The following ZNF273 variants were observed in gnomAD, a reference collection of about 807,000 sequenced individuals.
The protein encoded by ZNF273 is zinc finger protein 273.
ZNF273 carries 11 observed loss-of-function variants against 14.9 expected under a neutral mutation model. That is an observed-to-expected ratio of 0.74 (90% confidence interval 0.46 to 1.22). The LOEUF (loss-of-function observed/expected upper bound fraction) is 1.22, where lower values mean the gene tolerates loss of function less well. Ranked by LOEUF, ZNF273 falls within the 50% of genes most tolerant of loss-of-function variation. The pLI is 0.00. For synonymous variants in ZNF273, 199 were observed against 223.9 expected, an observed-to-expected ratio of 0.89 and a Z score of 0.99; for missense variants, 577 against 660.6, an observed-to-expected ratio of 0.87 and a Z score of 1.39.
chr7:64,921,976 C>T (rs1300430437), intron 3 of ZNF273, among the ~76,000 whole-genome samples: 1 of 152,060 alleles, frequency 6.6e-6, no homozygotes, highest in Non-Finnish European at 1.5e-5. Flanking sequence ...GACCACCTCA[C>T]CCAATTGCGG....
At chr7:64,932,008 T>C, downstream of ZNF273, among the ~76,000 whole-genome samples, 1 of 152,202 alleles carries the variant, frequency 6.6e-6, no homozygotes. Context: ...TTCTGTGTTA[T>C]GGCTACAGTT....
At chr7:64,935,934 CT>C, downstream of ZNF273, among the ~76,000 whole-genome samples, 1 of 152,246 alleles carries the variant, frequency 6.6e-6, no homozygotes, top group African/African-American at 2.4e-5. Flanking sequence ...AATTGCCATG[CT>C]TTTTGAAATG....
exon 4 of ZNF273, chr7:64,897,954 C>G (rs1297456333): frequency 2.6e-5 from 4 of 151,742 alleles, no homozygotes; most frequent in African/African-American, 9.7e-5. Flanking sequence ...GTCTCGATCT[C>G]CTGACCTCGT....
Position 64,928,097 on chromosome 7 carries a change from C to A in ZNF273, c.769C>A (p.Pro257Thr). ...TCTTACTAAACATAAGATAATTCAT[C>A]CTGAAGTGAATCCCTACAAATGTGA... ...SNLTKHKIIH[P>T]EVNPYKCEEC... is the part of the protein sequence containing the mutation. The change falls in exon 4 of 4, where the codon CCT becomes ACT. Residue 257 changes from proline to threonine, a missense_variant. This residue lies in a region of ZNF273 where 411 missense variants were observed against 440.4 expected (regional missense o/e 0.93). Coordinates refer to ENST00000476120, the MANE Select transcript of ZNF273 (RefSeq NM_021148.3). 1 of 1,613,366 alleles carries A rather than the reference C, an allele frequency of 6.2e-7. No homozygotes were observed. Among genetic ancestry groups the A allele is most frequent in the Non-Finnish European group, 8.5e-7 (1 of 1,179,540 alleles).
Position 64,915,632 on chromosome 7 carries a change from G to A in ZNF273, c.103-1949G>A, listed in dbSNP as rs1000070898. On this transcript the variant is annotated intron_variant, in intron 1 of 3. Transcript: ENST00000476120. Reference sequence around the variant, plus strand: ...CTGGGTGGGCCAGGTGTTCATTCCGGTAAACCCACAACCTTCCAGCGTGGG... The same window carrying A: ...CTGGGTGGGCCAGGTGTTCATTCCGATAAACCCACAACCTTCCAGCGTGGG... Among the ~76,000 whole-genome samples the A allele has an allele frequency of 4.6e-5, 7 of 152,266 alleles. No homozygotes were observed. In the South Asian group the frequency reaches 1.2e-3, roughly 27 times the overall value.
At chr7:64,886,511 C>T (rs1212726339) in intron 1 of ZNF273, among the ~76,000 whole-genome samples, 1 of 152,208 alleles carries the variant, frequency 6.6e-6, no homozygotes, top group East Asian at 1.9e-4. Context: ...GTTTACTGGG[C>T]ACCTGGTGCA....
chr7:64,924,208 G>A (rs1416179423), intron 3 of ZNF273: 1 of 152,014 alleles, frequency 6.6e-6, no homozygotes, highest in Non-Finnish European at 1.5e-5. Context: ...TAAAATTTCA[G>A]TTCTAAAATA....
At chr7:64,889,644 C>T, downstream of ZNF273, 3 of 985,926 alleles carry the variant, frequency 3.0e-6, no homozygotes, top group Non-Finnish European at 3.6e-6. This position sits in a 1 kb window ranked among gnomAD's most constrained non-coding sequence, Gnocchi z 4.2. Context: ...TGACCGGAGC[C>T]GCCTGGGTCT....
upstream of ZNF273, among the ~76,000 whole-genome samples, chr7:64,902,381 T>C (rs1453752407): frequency 6.6e-6 from 1 of 152,194 alleles, no homozygotes; most frequent in East Asian, 1.9e-4. Context: ...CATTTGTTAA[T>C]AGCCATATAA....
rs796861025 is a variant in ZNF273 at position 64,912,829 on chromosome 7, T to TTTTGTTGTTGTTG, written c.103-4749_103-4748insGTTGTTGTTGTTT. On this transcript the variant is annotated intron_variant, in intron 1 of 3. Transcript: ENST00000476120. ...TTTTGACTCAGGATTCATTTTAGTT[T>TTTTGTTGTTGTTG]TTTTTTTTTTTTTTTTTGAGATTGA... 2.2e-4 allele frequency among the ~76,000 whole-genome samples: 20 copies of TTTTGTTGTTGTTG among 92,174 alleles called. 6 individuals carry two copies. The highest frequency in any genetic ancestry group is 1.7e-3 in the East Asian group (6 of 3,578). The allele number at this position is 92,174 out of a possible 152,430, so 60.5% of individuals were successfully genotyped here.
chr7:64,896,792 AT>A (rs1226000365), intron 3 of ZNF273, among the ~76,000 whole-genome samples: 1 of 152,204 alleles, frequency 6.6e-6, no homozygotes, highest in African/African-American at 2.4e-5. Flanking sequence ...AAGTTATAGT[AT>A]TAAATTAAAA....
chr7:64,919,434 G>A (rs1490092011), intron 3 of ZNF273, among the ~76,000 whole-genome samples: 1 of 152,058 alleles, frequency 6.6e-6, no homozygotes, highest in Non-Finnish European at 1.5e-5. Flanking sequence ...CTTGAGGTCA[G>A]GAGTTCGAGA....
chr7:64,917,168 G>T, intron 1 of ZNF273: 1 of 1,154,536 alleles, frequency 8.7e-7, no homozygotes, highest in Non-Finnish European at 1.1e-6. Context: ...AGATCTTCTG[G>T]AAAGAAAATC....
downstream of ZNF273, among the ~76,000 whole-genome samples, chr7:64,884,257 G>A (rs971517933): frequency 6.6e-6 from 1 of 151,982 alleles, no homozygotes; most frequent in Non-Finnish European, 1.5e-5. Flanking sequence ...TTGGGGGGCC[G>A]GATTTTTTGC....
At chr7:64,913,611 T>C (rs1475919241) in intron 1 of ZNF273, among the ~76,000 whole-genome samples, 1 of 151,378 alleles carries the variant, frequency 6.6e-6, no homozygotes, top group Non-Finnish European at 1.5e-5. Context: ...AGGGTGGAGA[T>C]GGATTGTCTT....
chr7:64,909,925 C>T (rs115257449), intron 1 of ZNF273, among the ~76,000 whole-genome samples: 1,733 of 150,374 alleles, frequency 0.012, 30 homozygotes, highest in African/African-American at 0.039. Flanking sequence ...TTTTTCTTTA[C>T]GTTTCTCTAA....
intron 2 of ZNF273, 128 bp from the exon 3 acceptor site, chr7:64,918,069 A>G: frequency 1.3e-6 from 1 of 788,106 alleles, no homozygotes; most frequent in East Asian, 5.5e-5. Flanking sequence ...AGAAATTTAC[A>G]TTACTAATTA....
chr7:64,903,051 G>A (rs1020874157), upstream of ZNF273, among the ~76,000 whole-genome samples: 1 of 152,176 alleles, frequency 6.6e-6, no homozygotes. Flanking sequence ...CCCGTGGGTG[G>A]GCCGGGCTCA....
At position 64,912,826 on chromosome 7, in the gene ZNF273, G is replaced by GTTTTTTGTTGTTGTTGTTT; in HGVS notation, c.103-4749_103-4748insGTTGTTGTTGTTTTTTTTT. ...TCTTTTTGACTCAGGATTCATTTTA[G>GTTTTTTGTTGTTGTTGTTT]TTTTTTTTTTTTTTTTTTTTGAGAT... On this transcript the variant is annotated intron_variant, in intron 1 of 3. Coordinates refer to ENST00000476120, the MANE Select transcript of ZNF273 (RefSeq NM_021148.3). 4.1e-3 allele frequency among the ~76,000 whole-genome samples: 149 copies of GTTTTTTGTTGTTGTTGTTT among 36,570 alleles called. 23 individuals are homozygous for GTTTTTTGTTGTTGTTGTTT. In the Admixed American group the frequency reaches 0.043, roughly 11 times the overall value. The allele number at this position is 36,570 out of a possible 152,430, so 24.0% of individuals were successfully genotyped here.
Sources: allele counts gnomAD v4.1 joint callset (sites outside exome capture counted in the v4.1 genomes callset), GRCh38; gene constraint gnomAD v4.1.1; regional missense constraint gnomAD v4.1.1; non-coding constraint Gnocchi (gnomAD v3.1); transcripts MANE v1.5; gene names NCBI Gene and HGNC (gene_info 2026-07-23, HGNC 2026-07-21).